The following GPC6 variants were observed in gnomAD, a reference collection of about 807,000 sequenced individuals.
The protein encoded by GPC6 is glypican 6, also known as glypican-6.
In GPC6, 14 loss-of-function variants were observed where a neutral mutation model predicts 55.2. The observed-to-expected ratio is 0.25, with a 90% CI of 0.17 to 0.40. The LOEUF (loss-of-function observed/expected upper bound fraction) is 0.40, where lower values mean the gene tolerates loss of function less well. Among genes scored for constraint, GPC6 ranks in the 10% least tolerant of loss-of-function variants. The pLI, the probability that GPC6 is intolerant of heterozygous loss-of-function variation, is 1.00. For missense variants in GPC6, 641 were observed against 708.5 expected, an observed-to-expected ratio of 0.90 and a Z score of 1.08; for synonymous variants, 278 against 259.6, an observed-to-expected ratio of 1.07 and a Z score of -0.68.
intron 3 of GPC6, among the ~76,000 whole-genome samples, chr13:93,841,368 A>AT (rs1887949124): frequency 1.3e-5 from 2 of 152,180 alleles, no homozygotes; most frequent in Non-Finnish European, 2.9e-5. Flanking sequence ...ATGTTATTAC[A>AT]TTTTGTAGAT....
intron 2 of GPC6, among the ~76,000 whole-genome samples, chr13:93,746,951 A>G (rs1196057918): frequency 1.3e-5 from 2 of 152,222 alleles, no homozygotes; most frequent in African/African-American, 4.8e-5. Context: ...TTGCAAGAAA[A>G]TTTTGAAGAC....
chr13:94,088,861 G>A (rs1382053436), intron 4 of GPC6, among the ~76,000 whole-genome samples: 1 of 152,136 alleles, frequency 6.6e-6, no homozygotes, highest in Non-Finnish European at 1.5e-5. Context: ...CAGTGATCTT[G>A]GGACTTGATT....
At chr13:94,096,503 A>G (rs1007931348) in intron 4 of GPC6, among the ~76,000 whole-genome samples, 11 of 152,282 alleles carry the variant, frequency 7.2e-5, no homozygotes, top group East Asian at 1.9e-4. Context: ...CCATTATCAC[A>G]TATGATTTTT....
At chr13:93,404,595 A>G (rs1876216342) in intron 1 of GPC6, among the ~76,000 whole-genome samples, 1 of 152,160 alleles carries the variant, frequency 6.6e-6, no homozygotes, top group African/African-American at 2.4e-5. Context: ...CCTAAATTAC[A>G]TTTTAAAATC....
chr13:93,703,799 G>A lies in GPC6; in HGVS notation c.320-126355G>A, dbSNP rs150962999. Among the ~76,000 whole-genome samples the A allele has an allele frequency of 1.3e-3, 195 of 152,018 alleles. 1 individual carries two copies. The highest frequency in any genetic ancestry group is 4.4e-3 in the African/African-American group (182 of 41,508). On this transcript the variant is annotated intron_variant, in intron 2 of 8. Transcript: ENST00000377047. ...TTATCCCTAGGTCTGTGATTTTATA[G>A]AACAGATGAAAAGAAACTCTCTATT... is the stretch of plus-strand genomic sequence containing the variant.
chr13:93,488,273 TC>T (rs1879809725), intron 1 of GPC6, among the ~76,000 whole-genome samples: 2 of 152,326 alleles, frequency 1.3e-5, no homozygotes, highest in Admixed American at 1.3e-4. Context: ...TCCAGCTTCA[TC>T]CATGTCCCTA....
intron 2 of GPC6, among the ~76,000 whole-genome samples, chr13:93,696,256 T>C (rs533945897): frequency 6.8e-4 from 104 of 152,288 alleles, no homozygotes; most frequent in Non-Finnish European, 1.3e-3. Context: ...TTCCAACTGA[T>C]GTAAATTTTC....
intron 1 of GPC6, among the ~76,000 whole-genome samples, chr13:93,426,214 G>A (rs925904511): frequency 4.9e-5 from 7 of 144,148 alleles, no homozygotes; most frequent in African/African-American, 1.8e-4. Context: ...CTAGGCAATG[G>A]TAAAAGTGTT....
chr13:94,333,102 C>T (rs1877509966), intron 6 of GPC6, among the ~76,000 whole-genome samples: 2 of 152,266 alleles, frequency 1.3e-5, no homozygotes, highest in South Asian at 2.1e-4. Flanking sequence ...GTATACATTA[C>T]CCTCTTAATA....
At chr13:94,281,553 A>C (rs1412856300) in intron 4 of GPC6, among the ~76,000 whole-genome samples, 4 of 152,202 alleles carry the variant, frequency 2.6e-5, no homozygotes, top group Non-Finnish European at 4.4e-5. Flanking sequence ...CTCAAGAAGC[A>C]AATTGCAAGT....
At chr13:93,324,830 G>T (rs1030246085) in intron 1 of GPC6, among the ~76,000 whole-genome samples, 1 of 151,890 alleles carries the variant, frequency 6.6e-6, no homozygotes, top group African/African-American at 2.4e-5. Context: ...AGAGATTTCA[G>T]CTTTGGAGCT....
At chr13:94,286,622 G>C in intron 5 of GPC6, 143 bp downstream of exon 5, 1 of 732,072 alleles carries the variant, frequency 1.4e-6, no homozygotes, top group Non-Finnish European at 2.2e-6. Context: ...CCACAAATTT[G>C]CTACTTCATT....
At chr13:93,297,346 G>A (rs564417504) in intron 1 of GPC6, among the ~76,000 whole-genome samples, 6 of 152,250 alleles carry the variant, frequency 3.9e-5, no homozygotes, top group African/African-American at 1.4e-4. Flanking sequence ...TGCATGTGGG[G>A]CTTAATACCC....
At chr13:93,580,885 G>A (rs1176192186) in intron 2 of GPC6, among the ~76,000 whole-genome samples, 7 of 151,926 alleles carry the variant, frequency 4.6e-5, no homozygotes, top group South Asian at 4.2e-4. Context: ...CATGAAAATC[G>A]CATTTTTACA....
At chr13:93,658,525 G>C (rs77999315) in intron 2 of GPC6, among the ~76,000 whole-genome samples, 1 of 151,526 alleles carries the variant, frequency 6.6e-6, no homozygotes, top group African/African-American at 2.4e-5. Context: ...CCAGTGTTTG[G>C]TCATGTCACT....
chr13:93,962,596 G>A (rs768559834), intron 3 of GPC6, among the ~76,000 whole-genome samples: 9 of 151,946 alleles, frequency 5.9e-5, no homozygotes, highest in Non-Finnish European at 1.3e-4. Flanking sequence ...TACTTATATA[G>A]GTGTTAGTTA....
chr13:94,103,571 C>T (rs1885944309), intron 4 of GPC6, among the ~76,000 whole-genome samples: 1 of 152,148 alleles, frequency 6.6e-6, no homozygotes, highest in South Asian at 2.1e-4. Flanking sequence ...TTTGAATGAT[C>T]ACCATTCTAA....
At chr13:93,291,783 G>A (rs543447916) in intron 1 of GPC6, among the ~76,000 whole-genome samples, 1 of 152,048 alleles carries the variant, frequency 6.6e-6, no homozygotes, top group East Asian at 1.9e-4. Flanking sequence ...ATATACCTTC[G>A]GAGGAACAAC....
chr13:93,297,627 C>A (rs1026212923), intron 1 of GPC6, among the ~76,000 whole-genome samples: 6 of 151,920 alleles, frequency 3.9e-5, no homozygotes, highest in African/African-American at 1.5e-4. Flanking sequence ...TTTAACAGAA[C>A]AAAAAGTAAA....
Sources: gnomAD v4.1 joint callset for allele counts (sites outside exome capture counted in the v4.1 genomes callset) on GRCh38, gnomAD v4.1.1 for gene constraint, MANE v1.5 for transcripts, NCBI Gene and HGNC (gene_info 2026-07-23, HGNC 2026-07-21) for gene names.